Variants in FHIT observed in about 807,000 individuals in gnomAD.
FHIT encodes fragile histidine triad diadenosine triphosphatase, also known as bis(5'-adenosyl)-triphosphatase.
FHIT carries 19 observed loss-of-function variants against 17.9 expected under a neutral mutation model. That is an observed-to-expected ratio of 1.06 (90% CI 0.74 to 1.56). The LOEUF (loss-of-function observed/expected upper bound fraction) is 1.56, where lower values mean the gene tolerates loss of function less well. Ranked by LOEUF, FHIT falls within the 40% of genes most tolerant of loss-of-function variation. The pLI, the probability that FHIT is intolerant of heterozygous loss-of-function variation, is 0.00. For synonymous variants in FHIT, 81 were observed against 69.7 expected (o/e 1.16, Z -0.81); for missense variants, 248 against 189.2 (o/e 1.31, Z -1.82).
chr3:60,624,462 T>C (rs1576991237), intron 4 of FHIT, among the ~76,000 whole-genome samples: 1 of 152,052 alleles, frequency 6.6e-6, no homozygotes, highest in Non-Finnish European at 1.5e-5. Flanking sequence ...CCCAGCAAAA[T>C]ACAGGAATCT....
intron 4 of FHIT, among the ~76,000 whole-genome samples, chr3:60,539,541 C>G (rs1232300975): frequency 6.6e-6 from 1 of 152,162 alleles, no homozygotes; most frequent in Non-Finnish European, 1.5e-5. Flanking sequence ...TTGGAACCAA[C>G]CCAAATGTCC....
intron 2 of FHIT, among the ~76,000 whole-genome samples, chr3:61,188,047 C>T (rs1385947754): frequency 1.3e-5 from 2 of 152,078 alleles, no homozygotes; most frequent in Non-Finnish European, 2.9e-5. Context: ...CAAACACATT[C>T]AAAAGCTAGC....
chr3:61,212,982 C>A (rs4605538), intron 1 of FHIT, among the ~76,000 whole-genome samples: 1 of 152,086 alleles, frequency 6.6e-6, no homozygotes, highest in African/African-American at 2.4e-5. Context: ...ACCAGGCCTG[C>A]CCTAAAAGAG....
intron 8 of FHIT, among the ~76,000 whole-genome samples, chr3:59,772,821 A>C (rs1215943923): frequency 3.3e-5 from 5 of 152,162 alleles, no homozygotes; most frequent in Admixed American, 6.5e-5. Context: ...CCACAACTCC[A>C]AATTCAGCCC....
chr3:60,253,067 C>T (rs1158599098), intron 5 of FHIT, among the ~76,000 whole-genome samples: 3 of 151,908 alleles, frequency 2.0e-5, no homozygotes, highest in South Asian at 4.2e-4. Context: ...GTGGCCTCAT[C>T]GAGTTTCTAC....
intron 3 of FHIT, among the ~76,000 whole-genome samples, chr3:60,916,027 A>G (rs1399353702): frequency 3.9e-5 from 6 of 152,178 alleles, no homozygotes; most frequent in African/African-American, 1.4e-4. Flanking sequence ...AAATAATGGC[A>G]TATTCTAACC....
At chr3:59,785,821 C>T (rs1045938349) in intron 8 of FHIT, among the ~76,000 whole-genome samples, 14 of 152,130 alleles carry the variant, frequency 9.2e-5, no homozygotes, top group African/African-American at 3.4e-4. Flanking sequence ...GTGGAGTGGG[C>T]AGGAGTAGGA....
At chr3:59,827,652 G>A (rs1358104082) in intron 8 of FHIT, among the ~76,000 whole-genome samples, 2 of 152,218 alleles carry the variant, frequency 1.3e-5, no homozygotes, top group African/African-American at 4.8e-5. Context: ...AAGGGACAAG[G>A]TCACTCAGTC....
intron 4 of FHIT, among the ~76,000 whole-genome samples, chr3:60,782,229 G>T (rs1411984710): frequency 1.1e-5 from 1 of 91,000 alleles, no homozygotes; most frequent in Non-Finnish European, 2.2e-5. Flanking sequence ...TTGTGTGTGT[G>T]TGTGTGTGTA....
At chr3:61,037,353 G>A (rs762209590) in intron 3 of FHIT, among the ~76,000 whole-genome samples, 3 of 151,950 alleles carry the variant, frequency 2.0e-5, no homozygotes, top group Non-Finnish European at 4.4e-5. Flanking sequence ...TTTTCTCTCC[G>A]TTTCCTCAAC....
chr3:60,223,422 C>G (rs1261101472), intron 5 of FHIT, among the ~76,000 whole-genome samples: 1 of 152,154 alleles, frequency 6.6e-6, no homozygotes, highest in Non-Finnish European at 1.5e-5. Flanking sequence ...CTTTGCAACA[C>G]GTAAGCGATC....
intron 1 of FHIT, among the ~76,000 whole-genome samples, chr3:61,216,904 A>C (rs1157984066): frequency 1.3e-5 from 2 of 151,674 alleles, no homozygotes; most frequent in African/African-American, 2.4e-5. Flanking sequence ...ACAAAAAACC[A>C]AACACCGCAT....
At chr3:60,704,733 C>T (rs1460127784) in intron 4 of FHIT, among the ~76,000 whole-genome samples, 1 of 152,114 alleles carries the variant, frequency 6.6e-6, no homozygotes, top group African/African-American at 2.4e-5. Flanking sequence ...CCAATTCTGT[C>T]AGGGTCATAC....
At chr3:61,237,215 T>C (rs1467827396) in intron 1 of FHIT, among the ~76,000 whole-genome samples, 1 of 152,244 alleles carries the variant, frequency 6.6e-6, no homozygotes. Flanking sequence ...TTCAGTATTA[T>C]GTAATCCTTG....
intron 7 of FHIT, among the ~76,000 whole-genome samples, chr3:59,981,043 G>C (rs812445): frequency 0.36 from 54,834 of 151,812 alleles, 10,514 homozygotes; most frequent in Admixed American, 0.46. Context: ...GATTTTAGTG[G>C]TTATTCACTA....
At chr3:60,816,083 T>G (rs1553737592) in intron 4 of FHIT, among the ~76,000 whole-genome samples, 1 of 152,148 alleles carries the variant, frequency 6.6e-6, no homozygotes, top group Non-Finnish European at 1.5e-5. Flanking sequence ...TTTCTGTACA[T>G]TGATTTAATG....
chr3:60,650,430 G>A (rs1350615580), intron 4 of FHIT, among the ~76,000 whole-genome samples: 6 of 152,156 alleles, frequency 3.9e-5, no homozygotes, highest in African/African-American at 1.4e-4. Context: ...AAAGCCGAGG[G>A]TCTGGTAGTC....
intron 4 of FHIT, among the ~76,000 whole-genome samples, chr3:60,563,984 C>T (rs191367575): frequency 6.6e-6 from 1 of 152,140 alleles, no homozygotes; most frequent in African/African-American, 2.4e-5. Flanking sequence ...GAAGGCGATG[C>T]CATCAAGGAC....
chr3:59,826,090 A>G (rs1700967962), intron 8 of FHIT, among the ~76,000 whole-genome samples: 1 of 152,114 alleles, frequency 6.6e-6, no homozygotes, highest in Non-Finnish European at 1.5e-5. Flanking sequence ...ATGGTTCCCT[A>G]TCTGCATTAT....
Sources: allele counts gnomAD v4.1 joint callset (sites outside exome capture counted in the v4.1 genomes callset), GRCh38; gene constraint gnomAD v4.1.1; transcripts MANE v1.5; gene names NCBI Gene and HGNC (gene_info 2026-07-23, HGNC 2026-07-21).